Variants in SRPK2 observed in about 807,000 individuals in gnomAD.
The protein encoded by SRPK2 is SFRS protein kinase 2.
Under a neutral mutation model 90.8 loss-of-function variants are expected in SRPK2, and 21 were observed. The ratio of observed to expected loss-of-function variants is 0.23; its 90% confidence interval spans 0.16 to 0.33. SRPK2 has a LOEUF of 0.33. Ranked by LOEUF, SRPK2 falls within the 10% of genes least tolerant of loss-of-function variation. SRPK2 has a pLI of 1.00. For synonymous variants in SRPK2, 288 were observed against 311.1 expected, an observed-to-expected ratio of 0.93 and a Z score of 0.78; for missense variants, 620 against 869.0, an observed-to-expected ratio of 0.71 and a Z score of 3.60.
At chr7:105,234,809 A>G (rs1799925991) in intron 2 of SRPK2, among the ~76,000 whole-genome samples, 1 of 152,182 alleles carries the variant, frequency 6.6e-6, no homozygotes, top group Admixed American at 6.5e-5. Context: ...GGAAAAAAAA[A>G]GGTTCAGTGT....
chr7:105,316,500 C>T (rs1253129250), intron 2 of SRPK2, among the ~76,000 whole-genome samples: 2 of 152,144 alleles, frequency 1.3e-5, no homozygotes, highest in East Asian at 1.9e-4. Flanking sequence ...CCAGGGAGCC[C>T]ACCAGATAAA....
intron 6 of SRPK2, among the ~76,000 whole-genome samples, chr7:105,162,238 C>T (rs935577049): frequency 6.6e-6 from 1 of 152,160 alleles, no homozygotes; most frequent in Non-Finnish European, 1.5e-5. Context: ...GACAGGGTTT[C>T]ACCATGTTGG....
chr7:105,173,294 G>GA (rs1450555258), intron 3 of SRPK2, among the ~76,000 whole-genome samples: 3 of 152,046 alleles, frequency 2.0e-5, no homozygotes, highest in African/African-American at 7.2e-5. Context: ...TAAAACAACT[G>GA]AAAGTATAAC....
chr7:105,276,217 A>G (rs564544701), intron 2 of SRPK2, among the ~76,000 whole-genome samples: 1 of 151,538 alleles, frequency 6.6e-6, no homozygotes, highest in East Asian at 2.0e-4. Context: ...AGTAGTTACA[A>G]CTACAGATGC....
intron 2 of SRPK2, among the ~76,000 whole-genome samples, chr7:105,373,377 C>A (rs1156759990): frequency 1.2e-4 from 17 of 137,148 alleles, no homozygotes; most frequent in Non-Finnish European, 1.5e-4. Flanking sequence ...TACTTTGCCA[C>A]AAAAAAAAAA....
intron 3 of SRPK2, among the ~76,000 whole-genome samples, chr7:105,170,959 G>GAAAGAA (rs1405958784): frequency 3.0e-5 from 1 of 33,572 alleles, no homozygotes; most frequent in African/African-American, 1.0e-4. Flanking sequence ...AAGAAAGAAA[G>GAAAGAA]AAAGAAAGAG....
chr7:105,350,746 T>C (rs1817076582), intron 2 of SRPK2, among the ~76,000 whole-genome samples: 1 of 151,018 alleles, frequency 6.6e-6, no homozygotes, highest in African/African-American at 2.4e-5. Context: ...GGTCTCCAAC[T>C]CCTGACCTCC....
intron 2 of SRPK2, among the ~76,000 whole-genome samples, chr7:105,291,899 C>T (rs1386982458): frequency 6.6e-6 from 1 of 152,230 alleles, no homozygotes; most frequent in Non-Finnish European, 1.5e-5. Context: ...ATTCTTTATG[C>T]TTATAATTTC....
chr7:105,244,107 C>G (rs1423829203), intron 2 of SRPK2, among the ~76,000 whole-genome samples: 1 of 152,182 alleles, frequency 6.6e-6, no homozygotes, highest in Non-Finnish European at 1.5e-5. Context: ...AAGTCCCGTC[C>G]GCTGGTCAGG....
intron 2 of SRPK2, among the ~76,000 whole-genome samples, chr7:105,240,769 CTG>C (rs1021315002): frequency 9.9e-5 from 15 of 152,140 alleles, no homozygotes; most frequent in Middle Eastern, 3.4e-3. Context: ...CAATTTTTTT[CTG>C]TTATGTTGCA....
At chr7:105,134,533 A>C (rs1802516296) in intron 11 of SRPK2, among the ~76,000 whole-genome samples, 2 of 152,266 alleles carry the variant, frequency 1.3e-5, no homozygotes, top group South Asian at 2.1e-4. Flanking sequence ...AGACTAATAT[A>C]AACACCTACC....
intron 2 of SRPK2, among the ~76,000 whole-genome samples, chr7:105,313,777 T>A (rs778390596): frequency 6.6e-6 from 1 of 151,848 alleles, no homozygotes; most frequent in East Asian, 2.0e-4. Flanking sequence ...CATCATGAAC[T>A]GTTGGAGGGG....
At chr7:105,207,016 C>T (rs1046307927) in intron 2 of SRPK2, among the ~76,000 whole-genome samples, 1 of 152,174 alleles carries the variant, frequency 6.6e-6, no homozygotes, top group Admixed American at 6.5e-5. Flanking sequence ...TCAATGTAAC[C>T]GCCAATTCTT....
In SRPK2 at chr7:105,125,459, CAG is replaced by C. The variant is rs1319722406; in HGVS notation, c.1915+787_1915+788del. Among the ~76,000 whole-genome samples the C allele has an allele frequency of 4.6e-5, 7 of 152,192 alleles. No homozygotes were observed. The South Asian group carries it at 8.3e-4, about 18-fold the overall frequency. On this transcript the variant is annotated intron_variant, in intron 15 of 15. Transcript: ENST00000393651. ...TCTCTAGGCCACCTCTGTTCTACTA[CAG>C]AGAGTCCATGAAATGGAAAGATAAG...
intron 13 of SRPK2, among the ~76,000 whole-genome samples, chr7:105,131,175 A>C (rs1584893014): frequency 6.6e-6 from 1 of 152,244 alleles, no homozygotes; most frequent in Admixed American, 6.5e-5. Context: ...TTCAGAGTTC[A>C]AAGAGTACTT....
Position 105,276,442 on chromosome 7 carries a change from T to C in SRPK2, c.72-72657A>G, listed in dbSNP as rs568007487. ...ATTTATCTGGAGCCACTTTAGACTA[T>C]GACAAACAAATGCAGCTGGTCAAGG... On this transcript the variant is annotated intron_variant, in intron 2 of 15. Coordinates refer to ENST00000393651, the MANE Select transcript of SRPK2 (RefSeq NM_182692.3). 1.6e-3 allele frequency among the ~76,000 whole-genome samples: 248 copies of C among 151,994 alleles called. 1 individual carries two copies. Among genetic ancestry groups the C allele is most frequent in the African/African-American group, 5.6e-3 (234 of 41,470 alleles).
intron 2 of SRPK2, among the ~76,000 whole-genome samples, chr7:105,351,337 T>G (rs894581911): frequency 3.3e-5 from 5 of 151,934 alleles, no homozygotes; most frequent in African/African-American, 9.7e-5. Flanking sequence ...TCCTTTTCTT[T>G]ATAAATTACC....
At chr7:105,340,400 T>A (rs1421225597) in intron 2 of SRPK2, among the ~76,000 whole-genome samples, 2 of 109,816 alleles carry the variant, frequency 1.8e-5, no homozygotes, top group South Asian at 5.5e-4. Context: ...TTTTCTCTCC[T>A]TTTTTTTTTT....
intron 2 of SRPK2, among the ~76,000 whole-genome samples, chr7:105,339,996 T>C (rs1815554627): frequency 6.7e-6 from 1 of 149,156 alleles, no homozygotes; most frequent in Non-Finnish European, 1.5e-5. Flanking sequence ...AGGCGGAAAC[T>C]GCAGTGTGCC....
Sources: allele counts gnomAD v4.1 joint callset (sites outside exome capture counted in the v4.1 genomes callset), GRCh38; gene constraint gnomAD v4.1.1; transcripts MANE v1.5; gene names NCBI Gene and HGNC (gene_info 2026-07-23, HGNC 2026-07-21).